DNAAF5: variants seen among roughly 807,000 people sequenced by gnomAD.
DNAAF5 encodes dynein axonemal assembly factor 5, also known as HEAT repeat containing 2.
DNAAF5 carries 64 observed loss-of-function variants against 75.8 expected under a neutral mutation model. The ratio of observed to expected loss-of-function variants is 0.84; its 90% CI spans 0.69 to 1.04. DNAAF5 has a LOEUF of 1.04. Ranked by LOEUF, DNAAF5 falls within the 50% of genes least tolerant of loss-of-function variation. DNAAF5 has a pLI of 0.00. For missense variants in DNAAF5, 1,269 were observed against 1,178.5 expected, an observed-to-expected ratio of 1.08 and a Z score of -1.12; for synonymous variants, 657 against 557.2, an observed-to-expected ratio of 1.18 and a Z score of -2.52.
chr7:775,435 A>G (rs1778727076), intron 11 of DNAAF5, among the ~76,000 whole-genome samples: 1 of 152,022 alleles, frequency 6.6e-6, no homozygotes, highest in African/African-American at 2.4e-5. Context: ...AGTCCCAGCT[A>G]CTCAGGAAGC....
At chr7:744,268 C>T (rs1477272070) in intron 4 of DNAAF5, among the ~76,000 whole-genome samples, 1 of 152,148 alleles carries the variant, frequency 6.6e-6, no homozygotes, top group African/African-American at 2.4e-5. Flanking sequence ...AGGACATGAA[C>T]TCATCATTTT....
chr7:783,577 A>G (rs1779049437), intron 12 of DNAAF5, among the ~76,000 whole-genome samples: 1 of 152,288 alleles, frequency 6.6e-6, no homozygotes, highest in East Asian at 1.9e-4. Context: ...CCATTGATCC[A>G]CGGCGGGGCC....
Position 740,836 on chromosome 7 carries a change from C to T in DNAAF5, c.798C>T (p.Ala266=), listed in dbSNP as rs772167710. ...DDVPQVRRAV[A]SVVGGWLLCL... ...ATGCGCAGGTCCGGCGGGCGGTGGC[C>T]TCCGTGGTGGGCGGCTGGCTGCTGT... is the stretch of plus-strand genomic sequence containing the variant. The change falls in exon 3 of 13, where the codon GCC becomes GCT. Residue 266 remains alanine, a synonymous_variant. Transcript: ENST00000297440. 2.5e-6 allele frequency: 4 copies of T among 1,613,866 alleles called. No homozygotes were observed. The highest frequency in any genetic ancestry group is 2.7e-5 in the African/African-American group (2 of 74,932).
At chr7:769,066 G>A (rs377525047) in intron 8 of DNAAF5, 17 of 691,036 alleles carry the variant, frequency 2.5e-5, no homozygotes, top group East Asian at 1.9e-4. Context: ...CTGACTTCGA[G>A]CCAGAGCAGC....
chr7:770,440 C>T (rs749835531), intron 8 of DNAAF5, 31 bp from the exon 9 acceptor site: 28 of 1,602,642 alleles, frequency 1.7e-5, no homozygotes, highest in South Asian at 2.2e-5. Context: ...TCCTGAGGGC[C>T]GTGCACAGGA....
At position 786,445 on chromosome 7, in the gene DNAAF5, T is replaced by C. The variant is rs1431467353; in HGVS notation, c.*792T>C. 6.6e-6 allele frequency: 1 copy of C among 152,266 alleles called. No individual in the cohort carries two copies. Among genetic ancestry groups the C allele is most frequent in the Non-Finnish European group, 1.5e-5 (1 of 68,062 alleles). The allele number at this position is 152,266 out of a possible 1,614,324, so 9.4% of individuals were successfully genotyped here. A position where few individuals can be genotyped will look rare whatever the true frequency, so the allele number is the denominator to read the frequency against. Reference sequence around the variant, plus strand: ...AATATTAACGTTTATACTTTCATGTTTGAAAATTTAATTAAAAATGTTTGT... The same window carrying C: ...AATATTAACGTTTATACTTTCATGTCTGAAAATTTAATTAAAAATGTTTGT... On this transcript the variant is annotated 3_prime_UTR_variant, in exon 13 of 13. Coordinates refer to ENST00000297440, the MANE Select transcript of DNAAF5 (RefSeq NM_017802.4).
chr7:774,232 G>A, intron 10 of DNAAF5, 34 bp downstream of exon 10: 1 of 1,566,864 alleles, frequency 6.4e-7, no homozygotes, highest in East Asian at 2.3e-5. Flanking sequence ...GTGGACACCG[G>A]CCGGGGACTG....
Position 785,939 on chromosome 7 carries a change from C to G in DNAAF5, c.*286C>G. The stretch of plus-strand genomic sequence containing the variant: ...CCTCCCGCAGCCACTTCAGCAGCAT[C>G]TTAGATTTTAAGCCTCACGTGCGCA... On this transcript the variant is annotated 3_prime_UTR_variant, in exon 13 of 13. Transcript: ENST00000297440. 2.7e-6 allele frequency: 1 copy of G among 364,248 alleles called. No individual in the cohort carries two copies. The highest frequency in any genetic ancestry group is 5.2e-5 in the East Asian group (1 of 19,388). 22.6% of individuals were successfully genotyped at this position (364,248 alleles called of 1,614,324 possible).
chr7:783,026 T>G (rs908529252), intron 12 of DNAAF5, among the ~76,000 whole-genome samples: 8 of 152,230 alleles, frequency 5.3e-5, no homozygotes, highest in African/African-American at 1.9e-4. Context: ...GAGTCCGGCT[T>G]GTGGTGGCAG....
intron 4 of DNAAF5, among the ~76,000 whole-genome samples, chr7:750,073 G>A (rs544798131): frequency 2.6e-5 from 4 of 152,322 alleles, no homozygotes; most frequent in South Asian, 2.1e-4. Flanking sequence ...GAGTAACAGC[G>A]TTTGAGTCCA....
chr7:758,468 G>T (rs917768548), intron 6 of DNAAF5, among the ~76,000 whole-genome samples: 9 of 152,204 alleles, frequency 5.9e-5, no homozygotes, highest in African/African-American at 2.2e-4. Flanking sequence ...CCAGTCACAC[G>T]GGACCCCTGG....
intron 2 of DNAAF5, among the ~76,000 whole-genome samples, chr7:740,333 C>G (rs1781865012): frequency 6.6e-6 from 1 of 152,230 alleles, no homozygotes; most frequent in South Asian, 2.1e-4. Flanking sequence ...CTGGTTTCCT[C>G]CAGAGTCCCT....
Position 771,779 on chromosome 7 carries a change from G to A in DNAAF5, c.1931+1161G>A, listed in dbSNP as rs568954960. The A allele has an allele frequency of 9.8e-5, 15 of 152,334 alleles. No homozygotes were observed. The South Asian group carries it at 3.1e-3, about 32-fold the overall frequency. The allele number at this position is 152,334 out of a possible 1,614,324, so 9.4% of individuals were successfully genotyped here. The stretch of plus-strand genomic sequence containing the variant: ...GGCTGTATTTTGGGAGGAACCGCTG[G>A]GCAGGTTCTGCCCAGGAACAGTTAA... On this transcript the variant is annotated intron_variant, in intron 9 of 12. Coordinates refer to ENST00000297440, the MANE Select transcript of DNAAF5 (RefSeq NM_017802.4).
chr7:749,374 C>T (rs1355253009), intron 4 of DNAAF5, among the ~76,000 whole-genome samples: 1 of 152,124 alleles, frequency 6.6e-6, no homozygotes, highest in African/African-American at 2.4e-5. Flanking sequence ...GGTGAGTGGC[C>T]GGCCAGAGCT....
At chr7:769,574 T>C (rs1778483324) in intron 8 of DNAAF5, among the ~76,000 whole-genome samples, 2 of 152,246 alleles carry the variant, frequency 1.3e-5, no homozygotes, top group South Asian at 4.1e-4. Context: ...GTTCTTTCAC[T>C]GAAACAATTG....
Position 754,525 on chromosome 7 carries a change from G to A in DNAAF5, c.1025-64G>A. Reference sequence around the variant, plus strand: ...AGGTGTCCCTTAAATGTGATGTGCGGTAACTTGAGTTGTTGAGGTTTTGCT... The same window carrying A: ...AGGTGTCCCTTAAATGTGATGTGCGATAACTTGAGTTGTTGAGGTTTTGCT... On this transcript the variant is annotated intron_variant, in intron 4 of 12. Transcript: ENST00000297440. The surrounding 1 kb of genome is among the most constrained non-coding windows in gnomAD (Gnocchi z 4.8). 2.2e-6 allele frequency: 3 copies of A among 1,363,530 alleles called. No individual in the cohort carries two copies. Among genetic ancestry groups the A allele is most frequent in the African/African-American group, 1.4e-5 (1 of 70,108 alleles). The allele number at this position is 1,363,530 out of a possible 1,614,324, so 84.5% of individuals were successfully genotyped here.
chr7:761,252 T>TG (rs10719144), intron 6 of DNAAF5, among the ~76,000 whole-genome samples: 93,193 of 152,088 alleles, frequency 0.61, 29,279 homozygotes, highest in Middle Eastern at 0.73. Context: ...CTCCAGCGCC[T>TG]GGGGGCTCTC....
In DNAAF5 at chr7:779,994, A is replaced by AT; in HGVS notation, c.2282dup (p.Met761IlefsTer39). The AT allele has an allele frequency of 6.2e-7, 1 of 1,614,180 alleles. No homozygotes were observed. The highest frequency in any genetic ancestry group is 8.5e-7 in the Non-Finnish European group (1 of 1,180,016). ...AGATGACGTGTCCAACGATGTGAGG[A>AT]TGGCAGCCGCCTCCACCTTGGTCAC... On this transcript the variant is annotated frameshift_variant, in exon 12 of 13. Coordinates refer to ENST00000297440, the MANE Select transcript of DNAAF5 (RefSeq NM_017802.4). LOFTEE classifies it high-confidence loss of function.
At chr7:753,384 C>T (rs999779407) in intron 4 of DNAAF5, among the ~76,000 whole-genome samples, 12 of 152,214 alleles carry the variant, frequency 7.9e-5, no homozygotes, top group Admixed American at 3.3e-4. Flanking sequence ...GAGAGGCTTC[C>T]ACTTGTGTCA....
Sources: gnomAD v4.1 joint callset for allele counts (sites outside exome capture counted in the v4.1 genomes callset) on GRCh38, gnomAD v4.1.1 for gene constraint, Gnocchi (gnomAD v3.1) non-coding constraint, MANE v1.5 for transcripts, NCBI Gene and HGNC (gene_info 2026-07-23, HGNC 2026-07-21) for gene names.